Variants in THOC1 observed in about 807,000 individuals in gnomAD.
THOC1 encodes the protein THO complex subunit 1.
Under a neutral mutation model 97.3 loss-of-function variants are expected in THOC1, and 29 were observed. That is an observed-to-expected ratio of 0.30 (90% confidence interval 0.22 to 0.41). The LOEUF (loss-of-function observed/expected upper bound fraction) is 0.41. THOC1 is among the 10% of genes least tolerant of loss of function. THOC1 has a pLI of 1.00. For synonymous variants in THOC1, 255 were observed against 257.0 expected, an observed-to-expected ratio of 0.99 and a Z score of 0.07; for missense variants, 529 against 761.9, an observed-to-expected ratio of 0.69 and a Z score of 3.60.
chr18:222,563 G>A (rs1911128972), intron 17 of THOC1, among the ~76,000 whole-genome samples: 1 of 152,124 alleles, frequency 6.6e-6, no homozygotes, highest in African/African-American at 2.4e-5. Flanking sequence ...AAGAATTACT[G>A]GATTAATGAT....
At chr18:264,773 C>T (rs1409108553) in intron 3 of THOC1, among the ~76,000 whole-genome samples, 1 of 152,194 alleles carries the variant, frequency 6.6e-6, no homozygotes, top group Admixed American at 6.5e-5. Flanking sequence ...CTTTGCTTGA[C>T]CAAGAATAAA....
intron 11 of THOC1, among the ~76,000 whole-genome samples, chr18:243,185 CGTGAT>C (rs1911966680): frequency 6.6e-6 from 1 of 152,064 alleles, no homozygotes. Context: ...TTACCTTCCT[CGTGAT>C]GTGATATTAA....
intron 11 of THOC1, among the ~76,000 whole-genome samples, chr18:241,983 G>A (rs1911919015): frequency 6.6e-6 from 1 of 152,160 alleles, no homozygotes; most frequent in African/African-American, 2.4e-5. Flanking sequence ...ATTTTGCTCT[G>A]CTAAAAAGGG....
At chr18:229,615 G>A (rs1445241471) in intron 11 of THOC1, among the ~76,000 whole-genome samples, 6 of 152,164 alleles carry the variant, frequency 3.9e-5, no homozygotes, top group East Asian at 1.9e-4. Flanking sequence ...CCTGGGAGGC[G>A]GAGGTTGCAA....
At chr18:220,353 A>G (rs1911035673) in intron 17 of THOC1, among the ~76,000 whole-genome samples, 1 of 152,248 alleles carries the variant, frequency 6.6e-6, no homozygotes, top group South Asian at 2.1e-4. Context: ...TCACAAAAGT[A>G]TATTTCCTAT....
At chr18:222,179 C>G (rs1911115727) in intron 17 of THOC1, among the ~76,000 whole-genome samples, 1 of 152,178 alleles carries the variant, frequency 6.6e-6, no homozygotes, top group Non-Finnish European at 1.5e-5. Flanking sequence ...ACCACCCCTT[C>G]TTGTCTTACA....
intron 11 of THOC1, 141 bp from the exon 12 acceptor site, chr18:227,042 G>A (rs1911314531): frequency 1.5e-6 from 1 of 672,282 alleles, no homozygotes; most frequent in South Asian, 1.9e-5. Flanking sequence ...CTGCATGTGA[G>A]GCATTACCGC....
rs555722745 is a variant in THOC1 at position 231,503 on chromosome 18, C to T, written c.919-4602G>A. Among the ~76,000 whole-genome samples, 8 of 152,242 alleles carry T rather than the reference C, an allele frequency of 5.3e-5. No homozygotes were observed. In the East Asian group the frequency reaches 1.5e-3, roughly 29 times the overall value. ...TTCTCATTAAAATCTTACCAACTGT[C>T]ATAACACATCAGCTGAGATCAAATT... On this transcript the variant is annotated intron_variant, in intron 11 of 20. Transcript: ENST00000261600.
chr18:238,392 A>C (rs1911782653), intron 11 of THOC1, among the ~76,000 whole-genome samples: 1 of 152,188 alleles, frequency 6.6e-6, no homozygotes, highest in Non-Finnish European at 1.5e-5. Flanking sequence ...TTTCTGTACT[A>C]ATAATGTGTT....
intron 4 of THOC1, among the ~76,000 whole-genome samples, chr18:262,440 C>T (rs530655890): frequency 2.0e-5 from 3 of 152,270 alleles, no homozygotes; most frequent in African/African-American, 7.2e-5. Context: ...GAAAAATTAT[C>T]CCTAAAATAA....
At chr18:264,871 G>C (rs920441798) in intron 3 of THOC1, 1 of 154,414 alleles carries the variant, frequency 6.5e-6, no homozygotes, top group African/African-American at 2.4e-5. Flanking sequence ...ACCGAAGTTG[G>C]AGAGCCCTCA....
At chr18:250,158 G>A (rs2143265436) in intron 9 of THOC1, among the ~76,000 whole-genome samples, 1 of 152,270 alleles carries the variant, frequency 6.6e-6, no homozygotes, top group African/African-American at 2.4e-5. Flanking sequence ...TTGAAGTAGT[G>A]TTAATATCTT....
chr18:252,470 C>T, intron 9 of THOC1, 69 bp downstream of exon 9: 2 of 1,206,590 alleles, frequency 1.7e-6, no homozygotes, highest in South Asian at 1.2e-5. Flanking sequence ...CTCCTCACTC[C>T]AGAGAGGATA....
chr18:238,091 C>G (rs1444254217), intron 11 of THOC1, among the ~76,000 whole-genome samples: 1 of 152,112 alleles, frequency 6.6e-6, no homozygotes, highest in Non-Finnish European at 1.5e-5. Flanking sequence ...TTCTCAAACT[C>G]CTGACCTCAA....
At chr18:266,903 G>A (rs1912788181) in intron 1 of THOC1, among the ~76,000 whole-genome samples, 1 of 151,872 alleles carries the variant, frequency 6.6e-6, no homozygotes, top group Non-Finnish European at 1.5e-5. Flanking sequence ...AGAGATTGCA[G>A]CAAAACGCAC....
intron 4 of THOC1, among the ~76,000 whole-genome samples, chr18:262,629 CA>C (rs1912638908): frequency 6.6e-6 from 1 of 152,124 alleles, no homozygotes; most frequent in African/African-American, 2.4e-5. Flanking sequence ...TGAAACTAGA[CA>C]AGGAATATTA....
chr18:215,036 A>G, intron 20 of THOC1, 115 bp from the exon 21 acceptor site: 2 of 925,044 alleles, frequency 2.2e-6, no homozygotes, highest in Non-Finnish European at 3.3e-6. Context: ...TTTTAAAAGT[A>G]AACAATTATT....
At chr18:217,606 C>T (rs999774329) in intron 18 of THOC1, among the ~76,000 whole-genome samples, 1 of 152,154 alleles carries the variant, frequency 6.6e-6, no homozygotes, top group Admixed American at 6.5e-5. Flanking sequence ...TAGTGATAAA[C>T]ACACAAGGTA....
Position 216,142 on chromosome 18 carries a change from C to T in THOC1, c.1602+344G>A, listed in dbSNP as rs28487881. 1,179 of 178,546 alleles carry T rather than the reference C, an allele frequency of 6.6e-3. 9 individuals are homozygous for T. Among genetic ancestry groups the T allele is most frequent in the African/African-American group, 0.026 (1,102 of 41,956 alleles). 11.1% of individuals were successfully genotyped at this position (178,546 alleles called of 1,614,324 possible). A position where few individuals can be genotyped will look rare whatever the true frequency, so the allele number is the denominator to read the frequency against. Reference sequence around the variant, plus strand: ...CTAATTTTTTATATTTTAGTAGAGACGGGGTTTCACCATATTGGCCAGGAT... The same window carrying T: ...CTAATTTTTTATATTTTAGTAGAGATGGGGTTTCACCATATTGGCCAGGAT... On this transcript the variant is annotated intron_variant, in intron 19 of 20. Transcript: ENST00000261600.
Sources: allele counts gnomAD v4.1 joint callset (sites outside exome capture counted in the v4.1 genomes callset), GRCh38; gene constraint gnomAD v4.1.1; transcripts MANE v1.5; gene names NCBI Gene and HGNC (gene_info 2026-07-23, HGNC 2026-07-21).